Variants in ECM2 observed in about 807,000 individuals in gnomAD.
The protein encoded by ECM2 is extracellular matrix protein 2, female organ and adipocyte specific.
A neutral mutation model predicts 67.5 loss-of-function variants in ECM2; 57 were observed. The ratio of observed to expected loss-of-function variants is 0.84; its 90% CI spans 0.68 to 1.05. The LOEUF (loss-of-function observed/expected upper bound fraction) is 1.05, where lower values mean the gene tolerates loss of function less well. ECM2 is among the 50% of genes least tolerant of loss of function. ECM2 has a pLI of 0.00. For missense variants in ECM2, 741 were observed against 822.8 expected, an observed-to-expected ratio of 0.90 and a Z score of 1.22; for synonymous variants, 258 against 294.5, an observed-to-expected ratio of 0.88 and a Z score of 1.27.
At chr9:92,556,636 G>T in the ECM2 span, among the ~76,000 whole-genome samples, 2 of 152,178 alleles carry the variant, frequency 1.3e-5, no homozygotes, top group Admixed American at 1.3e-4. Flanking sequence ...TGTTTTGTCT[G>T]ATATAAGAAT....
chr9:92,539,532 T>G (rs1178388604), upstream of ECM2, among the ~76,000 whole-genome samples: 2 of 152,124 alleles, frequency 1.3e-5, no homozygotes, highest in African/African-American at 4.8e-5. Context: ...TCCTTGGGTT[T>G]GCAGAAATTA....
At chr9:92,554,503 TGTG>T in the ECM2 span, among the ~76,000 whole-genome samples, 1 of 152,050 alleles carries the variant, frequency 6.6e-6, no homozygotes. Context: ...ATTCTGCTTA[TGTG>T]GTGTATCACG....
intron 1 of ECM2, among the ~76,000 whole-genome samples, chr9:92,533,314 A>T (rs1451483555): frequency 1.2e-4 from 11 of 95,024 alleles, no homozygotes; most frequent in African/African-American, 3.9e-4. Flanking sequence ...AAAAAAAAAA[A>T]AAAAAAAAAA....
At chr9:92,543,200 C>T in the ECM2 span, among the ~76,000 whole-genome samples, 12 of 152,024 alleles carry the variant, frequency 7.9e-5, no homozygotes, top group African/African-American at 1.9e-4. Context: ...GTGCCAGCCT[C>T]GTGGCTCACA....
the ECM2 span, among the ~76,000 whole-genome samples, chr9:92,541,748 AGTAAACATG>A: frequency 6.6e-6 from 1 of 152,038 alleles, no homozygotes; most frequent in Non-Finnish European, 1.5e-5. Flanking sequence ...ATAATGCTGC[AGTAAACATG>A]GGAGTTCAGT....
chr9:92,531,916 G>A (rs762719607), intron 1 of ECM2, among the ~76,000 whole-genome samples: 5 of 151,180 alleles, frequency 3.3e-5, no homozygotes, highest in Non-Finnish European at 7.4e-5. Context: ...TGAAGATACG[G>A]TTGATTTTTT....
Position 92,514,683 on chromosome 9 carries a change from A to C in ECM2, c.1002T>G (p.Leu334=), listed in dbSNP as rs1229015737. 1 of 1,609,796 alleles carries C rather than the reference A, an allele frequency of 6.2e-7. No homozygotes were observed. The highest frequency in any genetic ancestry group is 1.3e-5 in the African/African-American group (1 of 74,860). ...GTGCTGTCAGCGGTGGTATCTGGGT[A>C]AGCATGGCGTTGATGCAGCTGATGG... ...YRTISCINAM[L]TQIPPLTAPQ... Residue 334 remains leucine, a synonymous_variant, in exon 4 of 10, where the codon CTT becomes CTG. Coordinates refer to ENST00000344604, the MANE Select transcript of ECM2 (RefSeq NM_001393.4).
chr9:92,498,102 A>T (rs553999295), intron 9 of ECM2, among the ~76,000 whole-genome samples: 2 of 152,302 alleles, frequency 1.3e-5, no homozygotes, highest in African/African-American at 2.4e-5. Flanking sequence ...GCATTACTTT[A>T]TAGCATCAGA....
At chr9:92,545,301 G>T in the ECM2 span, among the ~76,000 whole-genome samples, 3 of 152,194 alleles carry the variant, frequency 2.0e-5, no homozygotes, top group African/African-American at 7.2e-5. Context: ...CCAGGGCTGC[G>T]TGTGGCACTT....
intron 1 of ECM2, among the ~76,000 whole-genome samples, chr9:92,526,808 CTT>C (rs1167142602): frequency 6.6e-6 from 1 of 152,096 alleles, no homozygotes; most frequent in South Asian, 2.1e-4. Context: ...TTAGTAGACT[CTT>C]AGTGTACAGT....
intron 6 of ECM2, among the ~76,000 whole-genome samples, chr9:92,507,033 G>A (rs528848983): frequency 7.2e-5 from 11 of 152,034 alleles, no homozygotes; most frequent in Non-Finnish European, 1.3e-4. Context: ...TCAGCCTCCC[G>A]AGTATCTGGC....
At chr9:92,548,394 C>A in the ECM2 span, among the ~76,000 whole-genome samples, 1 of 152,124 alleles carries the variant, frequency 6.6e-6, no homozygotes, top group African/African-American at 2.4e-5. Flanking sequence ...CAAAAGGATA[C>A]CTGAAATGTG....
Position 92,514,855 on chromosome 9 carries a change from T to TCAC in ECM2, c.829_830insGTG (p.Glu276_Glu277insGly), listed in dbSNP as rs1420673526. ...ATCCTCCTCACCCTCCTCACCCTCCTCCTCCTCATCCTCCTCCTCCTCCCT... is the reference window on the plus strand; with the variant it reads ...ATCCTCCTCACCCTCCTCACCCTCCTCACCCTCCTCATCCTCCTCCTCCTCCCT... On this transcript the variant is annotated inframe_insertion, in exon 4 of 10. Transcript: ENST00000344604. 3 of 1,612,278 alleles carry TCAC rather than the reference T, an allele frequency of 1.9e-6. No individual in the cohort carries two copies. The South Asian group carries it at 3.3e-5, about 18-fold the overall frequency.
chr9:92,530,190 G>T (rs370526593), intron 1 of ECM2, among the ~76,000 whole-genome samples: 1 of 152,070 alleles, frequency 6.6e-6, no homozygotes, highest in Non-Finnish European at 1.5e-5. Flanking sequence ...ACCAAGGGAC[G>T]ACAGTACTAT....
chr9:92,500,594 T>A (rs761376675), intron 9 of ECM2, 133 bp downstream of exon 9: 4 of 833,554 alleles, frequency 4.8e-6, no homozygotes, highest in Non-Finnish European at 7.4e-6. Context: ...CATTTGCCAA[T>A]CTTGTTTAAT....
chr9:92,540,697 G>C (rs1178401757), upstream of ECM2, among the ~76,000 whole-genome samples: 2 of 151,116 alleles, frequency 1.3e-5, no homozygotes, highest in Non-Finnish European at 3.0e-5. Flanking sequence ...CTTGAACCTG[G>C]GAGGCAGAGG....
intron 4 of ECM2, among the ~76,000 whole-genome samples, chr9:92,512,714 T>A (rs1173363282): frequency 6.6e-6 from 1 of 152,194 alleles, no homozygotes; most frequent in Non-Finnish European, 1.5e-5. Flanking sequence ...TAACATTTAG[T>A]TAAGTTCAGT....
intron 2 of ECM2, among the ~76,000 whole-genome samples, chr9:92,518,592 A>C (rs1457204856): frequency 6.6e-6 from 1 of 152,088 alleles, no homozygotes; most frequent in Admixed American, 6.6e-5. Context: ...TATAATATTC[A>C]CCCTTTTGAA....
At chr9:92,513,888 A>G (rs1847516847) in intron 4 of ECM2, among the ~76,000 whole-genome samples, 1 of 152,224 alleles carries the variant, frequency 6.6e-6, no homozygotes, top group Non-Finnish European at 1.5e-5. Flanking sequence ...ATATACTAAA[A>G]ATAAGTTTTA....
Sources: allele counts gnomAD v4.1 joint callset (sites outside exome capture counted in the v4.1 genomes callset), GRCh38; gene constraint gnomAD v4.1.1; transcripts MANE v1.5; gene names NCBI Gene and HGNC (gene_info 2026-07-23, HGNC 2026-07-21).